The following CACNA1E variants were observed in gnomAD, a reference collection of about 807,000 sequenced individuals.
CACNA1E encodes calcium voltage-gated channel subunit alpha1 E.
CACNA1E carries 40 observed loss-of-function variants against 259.2 expected under a neutral mutation model. The observed-to-expected ratio is 0.15, with a 90% CI of 0.12 to 0.20. The LOEUF (loss-of-function observed/expected upper bound fraction) is 0.20. Ranked by LOEUF, CACNA1E falls within the 10% of genes least tolerant of loss-of-function variation. The probability of loss-of-function intolerance (pLI) is 1.00; values close to 1 mark genes in which losing one functional copy is unlikely to be tolerated. For missense variants in CACNA1E, 1,874 were observed against 3,040.1 expected (o/e 0.62, Z 9.02); for synonymous variants, 1,104 against 1,138.5 (o/e 0.97, Z 0.61).
At chr1:181,580,258 C>A (rs749283887) in intron 5 of CACNA1E, among the ~76,000 whole-genome samples, 31 of 152,142 alleles carry the variant, frequency 2.0e-4, no homozygotes, top group Admixed American at 8.5e-4. Flanking sequence ...AGCCAGAAAA[C>A]CTCACTTTGC....
intron 3 of CACNA1E, among the ~76,000 whole-genome samples, chr1:181,513,127 G>A (rs61812708): frequency 0.14 from 20,757 of 152,096 alleles, 1,539 homozygotes; most frequent in African/African-American, 0.17. Context: ...GAATCCATTT[G>A]AAATTTCTTG....
chr1:181,674,691 G>A (rs1052064540), intron 7 of CACNA1E, among the ~76,000 whole-genome samples: 1 of 152,146 alleles, frequency 6.6e-6, no homozygotes, highest in Non-Finnish European at 1.5e-5. Flanking sequence ...TGGGCTCTCA[G>A]GGGGACAGAG....
chr1:181,401,465 G>C (rs559486417), intron 1 of CACNA1E, among the ~76,000 whole-genome samples: 1 of 151,990 alleles, frequency 6.6e-6, no homozygotes, highest in Non-Finnish European at 1.5e-5. Context: ...CACAATGTTG[G>C]GCAAGTAATA....
intron 1 of CACNA1E, among the ~76,000 whole-genome samples, chr1:181,401,808 C>G (rs1657120127): frequency 6.6e-6 from 1 of 152,206 alleles, no homozygotes; most frequent in Non-Finnish European, 1.5e-5. Flanking sequence ...AGCATTGGAT[C>G]TTTCTTATGC....
chr1:181,715,417 T>A, intron 9 of CACNA1E, 26 bp downstream of exon 9: 1 of 1,432,792 alleles, frequency 7.0e-7, no homozygotes, highest in Non-Finnish European at 9.8e-7. Context: ...GATGCCTTAT[T>A]CCAGTTGCAT....
intron 3 of CACNA1E, among the ~76,000 whole-genome samples, chr1:181,575,591 A>G (rs1364911860): frequency 6.6e-6 from 1 of 152,070 alleles, no homozygotes; most frequent in African/African-American, 2.4e-5. Context: ...CTCTATCACC[A>G]TGTTCTGAAA....
At chr1:181,785,504 C>T in intron 42 of CACNA1E, 86 bp downstream of exon 42, 1 of 1,006,458 alleles carries the variant, frequency 9.9e-7, no homozygotes. Context: ...GGGCATAGTG[C>T]CCGGCAAGGA....
chr1:181,794,818 A>G (rs543794908), intron 45 of CACNA1E, 46 bp from the exon 46 acceptor site: 2 of 1,539,982 alleles, frequency 1.3e-6, no homozygotes, highest in Non-Finnish European at 1.8e-6. Flanking sequence ...GATCTTTTCA[A>G]TCGTTAATCC....
At chr1:181,783,185 A>T (rs549267499) in intron 39 of CACNA1E, among the ~76,000 whole-genome samples, 2 of 152,328 alleles carry the variant, frequency 1.3e-5, no homozygotes, top group East Asian at 3.9e-4. Flanking sequence ...GGGCACCAGG[A>T]TACATCTTTC....
chr1:181,775,116 G>T (rs564068045), intron 37 of CACNA1E, among the ~76,000 whole-genome samples: 1 of 152,142 alleles, frequency 6.6e-6, no homozygotes, highest in Non-Finnish European at 1.5e-5. Context: ...ACATTTAAGA[G>T]CAACAGGAAG....
chr1:181,509,709 C>T (rs1375602779), intron 1 of CACNA1E, among the ~76,000 whole-genome samples: 1 of 152,104 alleles, frequency 6.6e-6, no homozygotes, highest in Non-Finnish European at 1.5e-5. Flanking sequence ...CACCTGTTTT[C>T]AAAAACATCT....
intron 2 of CACNA1E, among the ~76,000 whole-genome samples, chr1:181,463,671 TTTC>T (rs1363558083): frequency 6.6e-6 from 1 of 152,154 alleles, no homozygotes; most frequent in African/African-American, 2.4e-5. Context: ...AGTATGTGTT[TTTC>T]TTATGATTTC....
At chr1:181,770,115 T>C (rs913934649) in intron 35 of CACNA1E, among the ~76,000 whole-genome samples, 1 of 152,116 alleles carries the variant, frequency 6.6e-6, no homozygotes, top group Non-Finnish European at 1.5e-5. Flanking sequence ...GGGGCAGAGA[T>C]TGTTCCTCAA....
Position 181,794,856 on chromosome 1 carries a change from A to G in CACNA1E, c.6028-8A>G, listed in dbSNP as rs769023486. On this transcript the variant is annotated splice_region_variant and splice_polypyrimidine_tract_variant and intron_variant, in intron 45 of 47. Transcript: ENST00000367573. Reference sequence around the variant, plus strand: ...ACCTTGTGTTTCTCTGGGGGCTTGTATTTCCAGGTGGTGACAGACCCTAGC... The same window carrying G: ...ACCTTGTGTTTCTCTGGGGGCTTGTGTTTCCAGGTGGTGACAGACCCTAGC... The G allele has an allele frequency of 2.5e-6, 4 of 1,603,736 alleles. No homozygotes were observed. In the South Asian group the frequency reaches 4.5e-5, roughly 18 times the overall value.
intron 2 of CACNA1E, among the ~76,000 whole-genome samples, chr1:181,427,871 T>C (rs1659416779): frequency 6.6e-6 from 1 of 151,916 alleles, no homozygotes; most frequent in Non-Finnish European, 1.5e-5. Context: ...TCTTATTCTT[T>C]TAGTTTTTAA....
At chr1:181,331,293 C>T (rs984210618) in intron 1 of CACNA1E, among the ~76,000 whole-genome samples, 4 of 152,034 alleles carry the variant, frequency 2.6e-5, no homozygotes, top group Non-Finnish European at 5.9e-5. Context: ...AACTGGCTTA[C>T]GTGATTACGG....
chr1:181,795,087 GCTCCTGCCCTGATGCACTTA>G (rs750574774), intron 46 of CACNA1E, 43 bp downstream of exon 46: 17 of 1,523,668 alleles, frequency 1.1e-5, no homozygotes, highest in Non-Finnish European at 1.5e-5. Context: ...CAGGCAGTGG[GCTCCTGCCCTGATGCACTTA>G]CTCTCCAAGG....
intron 25 of CACNA1E, among the ~76,000 whole-genome samples, chr1:181,749,654 A>G (rs140328039): frequency 2.0e-5 from 3 of 152,340 alleles, no homozygotes; most frequent in Admixed American, 2.0e-4. Flanking sequence ...ATTGCTTAGC[A>G]CAGAGTCTGG....
At chr1:181,487,867 T>TC (rs1224222033) in intron 1 of CACNA1E, among the ~76,000 whole-genome samples, 5 of 152,118 alleles carry the variant, frequency 3.3e-5, no homozygotes. Flanking sequence ...AATAGGATAT[T>TC]CCCCCCACAC....
Sources: gnomAD v4.1 joint callset for allele counts (sites outside exome capture counted in the v4.1 genomes callset) on GRCh38, gnomAD v4.1.1 for gene constraint, MANE v1.5 for transcripts, NCBI Gene and HGNC (gene_info 2026-07-23, HGNC 2026-07-21) for gene names.